RBFOX1: variants seen among roughly 807,000 people sequenced by gnomAD.
RBFOX1 encodes the protein RNA binding protein fox-1 homolog 1.
RBFOX1 carries 8 observed loss-of-function variants against 57.7 expected under a neutral mutation model. The observed-to-expected ratio is 0.14, with a 90% CI of 0.08 to 0.25. The LOEUF (loss-of-function observed/expected upper bound fraction) is 0.25, where lower values mean the gene tolerates loss of function less well. Among genes scored for constraint, RBFOX1 ranks in the 10% least tolerant of loss-of-function variants. The probability of loss-of-function intolerance (pLI) is 1.00; values close to 1 mark genes in which losing one functional copy is unlikely to be tolerated. For synonymous variants in RBFOX1, 326 were observed against 222.4 expected, an observed-to-expected ratio of 1.47 and a Z score of -4.15; for missense variants, 611 against 548.5, an observed-to-expected ratio of 1.11 and a Z score of -1.14.
At chr16:5,884,027 T>C (rs28600157) in intron 4 of RBFOX1, among the ~76,000 whole-genome samples, 7,812 of 152,286 alleles carry the variant, frequency 0.051, 666 homozygotes, top group African/African-American at 0.18. Flanking sequence ...TGTGACTTAG[T>C]GTACCACTTC....
intron 4 of RBFOX1, among the ~76,000 whole-genome samples, chr16:5,995,406 C>G (rs148333663): frequency 4.6e-5 from 7 of 152,178 alleles, no homozygotes; most frequent in African/African-American, 1.7e-4. Flanking sequence ...TTTTAGAGTC[C>G]TACCAGAAGA....
At chr16:6,404,999 A>G (rs370346275) in intron 2 of RBFOX1, among the ~76,000 whole-genome samples, 9 of 152,202 alleles carry the variant, frequency 5.9e-5, no homozygotes, top group Non-Finnish European at 5.9e-5. Flanking sequence ...AACTAATTCT[A>G]GATAGAGTCT....
intron 4 of RBFOX1, among the ~76,000 whole-genome samples, chr16:7,140,771 G>A (rs1263340358): frequency 1.3e-5 from 2 of 152,162 alleles, no homozygotes; most frequent in Non-Finnish European, 2.9e-5. Context: ...GGGGAAGGTA[G>A]CGTTAAACTT....
At chr16:6,953,612 G>C (rs1385727313) in intron 3 of RBFOX1, among the ~76,000 whole-genome samples, 3 of 152,138 alleles carry the variant, frequency 2.0e-5, no homozygotes, top group African/African-American at 7.2e-5. Flanking sequence ...GTCTGAAACT[G>C]CTGACTTGAA....
intron 2 of RBFOX1, among the ~76,000 whole-genome samples, chr16:5,528,421 C>G (rs1047995006): frequency 6.6e-5 from 10 of 152,130 alleles, no homozygotes; most frequent in Non-Finnish European, 1.5e-4. Context: ...GTGCTTGGCA[C>G]CGGGGCCACA....
intron 13 of RBFOX1, among the ~76,000 whole-genome samples, chr16:7,669,468 T>TGAGA (rs1375337467): frequency 2.6e-5 from 4 of 151,466 alleles, no homozygotes; most frequent in Admixed American, 1.3e-4. Flanking sequence ...AGAGAAAGAG[T>TGAGA]GAGAGGATAT....
chr16:6,854,355 A>G (rs2057401448), intron 3 of RBFOX1, among the ~76,000 whole-genome samples: 1 of 152,068 alleles, frequency 6.6e-6, no homozygotes, highest in Non-Finnish European at 1.5e-5. Context: ...ATGAAGAGGA[A>G]AGGGCTTAAG....
At chr16:5,738,635 GAAAAAAA>G (rs61011633) in intron 3 of RBFOX1, among the ~76,000 whole-genome samples, 6 of 61,192 alleles carry the variant, frequency 9.8e-5, no homozygotes, top group African/African-American at 2.8e-4. Context: ...CTCTGTCTCA[GAAAAAAA>G]AAAAAAAAAA....
chr16:6,680,535 T>G (rs950451302), intron 3 of RBFOX1, among the ~76,000 whole-genome samples: 1 of 152,186 alleles, frequency 6.6e-6, no homozygotes, highest in Non-Finnish European at 1.5e-5. Context: ...AGTGCTGGGA[T>G]TACAGGCGTA....
chr16:6,135,228 C>G (rs1466982999), intron 1 of RBFOX1, among the ~76,000 whole-genome samples: 1 of 152,136 alleles, frequency 6.6e-6, no homozygotes, highest in Non-Finnish European at 1.5e-5. Context: ...AGATGGCATT[C>G]CAATGCACCC....
intron 4 of RBFOX1, among the ~76,000 whole-genome samples, chr16:7,305,823 C>T (rs1012555416): frequency 6.6e-6 from 1 of 152,104 alleles, no homozygotes; most frequent in Non-Finnish European, 1.5e-5. Flanking sequence ...TTATTACGTT[C>T]ATTATTGAGT....
At chr16:5,402,215 C>G (rs1197628194) in intron 1 of RBFOX1, among the ~76,000 whole-genome samples, 3 of 152,062 alleles carry the variant, frequency 2.0e-5, no homozygotes, top group East Asian at 3.9e-4. Flanking sequence ...CTAAGACACC[C>G]CAGCGTACTG....
At chr16:7,542,902 C>T (rs998313869) in intron 5 of RBFOX1, among the ~76,000 whole-genome samples, 2 of 151,934 alleles carry the variant, frequency 1.3e-5, no homozygotes, top group East Asian at 3.9e-4. Context: ...TAATTGTTGT[C>T]TTCCTAAAAA....
rs190915317 is a variant in RBFOX1, at chr16:6,944,417, A to G, written c.-15-107640A>G. 5.4e-3 allele frequency among the ~76,000 whole-genome samples: 808 copies of G among 148,790 alleles called. 11 individuals carry two copies. The highest frequency in any genetic ancestry group is 0.019 in the African/African-American group (769 of 39,544). On this transcript the variant is annotated intron_variant, in intron 3 of 15. Coordinates refer to ENST00000550418, the MANE Select transcript of RBFOX1 (RefSeq NM_018723.4). ...TCAGAGAAAAAAAAAAAAAAAAAAG[A>G]AAGAAAAGAAAAAAGAAGACCACAC...
chr16:7,540,050 A>G (rs3785254), intron 5 of RBFOX1, among the ~76,000 whole-genome samples: 144,475 of 152,262 alleles, frequency 0.95, 68,849 homozygotes, highest in Middle Eastern at 0.99. Flanking sequence ...CACTACTTCT[A>G]TTATTATCAT....
At chr16:6,622,399 C>T (rs1247095789) in intron 2 of RBFOX1, among the ~76,000 whole-genome samples, 1 of 152,078 alleles carries the variant, frequency 6.6e-6, no homozygotes, top group Non-Finnish European at 1.5e-5. Context: ...CTTTTAATGA[C>T]AGTTGCCTAC....
intron 4 of RBFOX1, among the ~76,000 whole-genome samples, chr16:7,095,760 C>T (rs1382452778): frequency 6.6e-6 from 1 of 152,096 alleles, no homozygotes; most frequent in South Asian, 2.1e-4. Flanking sequence ...TGGTGGCTCA[C>T]GCCTGTAATC....
At chr16:6,445,482 G>A (rs2094465615) in intron 2 of RBFOX1, among the ~76,000 whole-genome samples, 1 of 151,466 alleles carries the variant, frequency 6.6e-6, no homozygotes, top group East Asian at 1.9e-4. Flanking sequence ...GTCAGTTCCT[G>A]CAAAGAGCTG....
chr16:7,603,142 G>A (rs9927181), intron 9 of RBFOX1, among the ~76,000 whole-genome samples: 3,778 of 152,180 alleles, frequency 0.025, 145 homozygotes, highest in African/African-American at 0.086. Context: ...CTAAGCAACC[G>A]GGACAACAGT....
Sources: gnomAD v4.1 joint callset for allele counts (sites outside exome capture counted in the v4.1 genomes callset) on GRCh38, gnomAD v4.1.1 for gene constraint, MANE v1.5 for transcripts, NCBI Gene and HGNC (gene_info 2026-07-23, HGNC 2026-07-21) for gene names.